Variants in ZFAND6 observed in about 807,000 individuals in gnomAD.
ZFAND6 encodes the protein zinc finger AN1-type containing 6, also known as AN1-type zinc finger protein 6.
ZFAND6 carries 12 observed loss-of-function variants against 24.5 expected under a neutral mutation model. That is an observed-to-expected ratio of 0.49 (90% CI 0.31 to 0.79). ZFAND6 has a LOEUF of 0.79. ZFAND6 is among the 30% of genes least tolerant of loss of function. ZFAND6 has a pLI of 0.04. For synonymous variants in ZFAND6, 92 were observed against 81.5 expected (o/e 1.13, Z -0.69); for missense variants, 207 against 245.9 (o/e 0.84, Z 1.06).
chr15:80,066,983 T>C (rs1487387547), intron 1 of ZFAND6, among the ~76,000 whole-genome samples: 1 of 152,022 alleles, frequency 6.6e-6, no homozygotes, highest in Non-Finnish European at 1.5e-5. Context: ...TTGTCCTGTG[T>C]AGAAAATTTG....
At chr15:80,060,907 G>C (rs987112922) in intron 1 of ZFAND6, among the ~76,000 whole-genome samples, 2 of 152,148 alleles carry the variant, frequency 1.3e-5, no homozygotes, top group African/African-American at 4.8e-5. Flanking sequence ...GCGACAGAGG[G>C]AGACTCCGTC....
intron 6 of ZFAND6, 81 bp from the exon 7 acceptor site, chr15:80,137,399 T>G: frequency 1.4e-6 from 2 of 1,455,244 alleles, no homozygotes; most frequent in South Asian, 2.8e-5. Flanking sequence ...CCTAAATATA[T>G]TGTGCTGTTC....
At chr15:80,111,423 G>A (rs1056650803) in intron 2 of ZFAND6, 1 of 433,836 alleles carries the variant, frequency 2.3e-6, no homozygotes, top group African/African-American at 2.0e-5. Flanking sequence ...CTTCCTTATT[G>A]ACAGGTTTCA....
chr15:80,080,753 C>T (rs2037615373), intron 1 of ZFAND6, among the ~76,000 whole-genome samples: 1 of 152,194 alleles, frequency 6.6e-6, no homozygotes, highest in South Asian at 2.1e-4. Context: ...GTGATCATGC[C>T]TCAGGAAGCT....
At chr15:80,095,959 C>A (rs750735986) in intron 1 of ZFAND6, among the ~76,000 whole-genome samples, 1 of 152,200 alleles carries the variant, frequency 6.6e-6, no homozygotes, top group Non-Finnish European at 1.5e-5. Flanking sequence ...GTATCCAAAT[C>A]TGGATACTAA....
chr15:80,093,147 A>C (rs1256228513), intron 1 of ZFAND6, among the ~76,000 whole-genome samples: 3 of 151,528 alleles, frequency 2.0e-5, no homozygotes, highest in Non-Finnish European at 2.9e-5. Flanking sequence ...GTGTGTTTTT[A>C]GTAGAGTCGG....
At chr15:80,135,214 C>T (rs2040803136) in intron 6 of ZFAND6, among the ~76,000 whole-genome samples, 1 of 152,044 alleles carries the variant, frequency 6.6e-6, no homozygotes, top group East Asian at 1.9e-4. Flanking sequence ...ATAACATTTC[C>T]TTTTCTCTAG....
chr15:80,131,326 A>G (rs1304064059), intron 6 of ZFAND6, 33 bp downstream of exon 6: 1 of 1,573,450 alleles, frequency 6.4e-7, no homozygotes, highest in East Asian at 2.2e-5. Flanking sequence ...TAAAATTAAA[A>G]TGATGTTTTA....
intron 1 of ZFAND6, among the ~76,000 whole-genome samples, chr15:80,086,519 C>A (rs1210627166): frequency 6.6e-6 from 1 of 152,188 alleles, no homozygotes; most frequent in East Asian, 1.9e-4. Flanking sequence ...TTTCCTACCA[C>A]CCATTATGGG....
chr15:80,103,938 T>A (rs2039171427), intron 2 of ZFAND6, among the ~76,000 whole-genome samples: 1 of 152,126 alleles, frequency 6.6e-6, no homozygotes, highest in African/African-American at 2.4e-5. Context: ...AGCCTCAATT[T>A]CCTAGGCTCA....
chr15:80,105,204 G>C (rs1382044338), intron 2 of ZFAND6, among the ~76,000 whole-genome samples: 1 of 152,166 alleles, frequency 6.6e-6, no homozygotes, highest in African/African-American at 2.4e-5. Flanking sequence ...GTAAATTTTT[G>C]TTGCCAGTTA....
At chr15:80,107,225 ATAGATT>A (rs2141967148) in intron 2 of ZFAND6, among the ~76,000 whole-genome samples, 1 of 152,274 alleles carries the variant, frequency 6.6e-6, no homozygotes, top group African/African-American at 2.4e-5. Context: ...CAAAAAAAAA[ATAGATT>A]TAGTAAAAAT....
chr15:80,077,344 C>G (rs951999468), intron 1 of ZFAND6, among the ~76,000 whole-genome samples: 1 of 152,292 alleles, frequency 6.6e-6, no homozygotes, highest in East Asian at 1.9e-4. Flanking sequence ...GACAACATTA[C>G]TTACAAATAA....
At chr15:80,132,231 AACTC>A (rs2040637079) in intron 6 of ZFAND6, among the ~76,000 whole-genome samples, 1 of 152,204 alleles carries the variant, frequency 6.6e-6, no homozygotes, top group Non-Finnish European at 1.5e-5. Context: ...AATTGGAAAA[AACTC>A]ACAGATGAAC....
At chr15:80,092,763 A>T (rs1360764451) in intron 1 of ZFAND6, among the ~76,000 whole-genome samples, 1 of 152,182 alleles carries the variant, frequency 6.6e-6, no homozygotes, top group African/African-American at 2.4e-5. Flanking sequence ...AAATTGTTTA[A>T]ATTTGAAGGC....
At chr15:80,111,506 A>T (rs2039608885) in intron 2 of ZFAND6, 1 of 455,912 alleles carries the variant, frequency 2.2e-6, no homozygotes, top group Non-Finnish European at 4.4e-6. Flanking sequence ...AGGAATGTCA[A>T]TCAGAAGTTT....
At chr15:80,112,020 G>A (rs1386861658) in intron 2 of ZFAND6, among the ~76,000 whole-genome samples, 2 of 152,192 alleles carry the variant, frequency 1.3e-5, no homozygotes, top group Non-Finnish European at 2.9e-5. Flanking sequence ...AGCACTTAGG[G>A]AGGCCGAGGG....
chr15:80,136,236 G>T (rs957122229), intron 6 of ZFAND6, among the ~76,000 whole-genome samples: 1 of 152,132 alleles, frequency 6.6e-6, no homozygotes, highest in Non-Finnish European at 1.5e-5. Flanking sequence ...GGAGGCCTAG[G>T]CAGGCAGATC....
chr15:80,111,518 C>G, intron 2 of ZFAND6: 1 of 455,950 alleles, frequency 2.2e-6, no homozygotes, highest in South Asian at 1.5e-5. Context: ...CAGAAGTTTT[C>G]TAGAATCTAT....
Sources: allele counts gnomAD v4.1 joint callset (sites outside exome capture counted in the v4.1 genomes callset), GRCh38; gene constraint gnomAD v4.1.1; transcripts MANE v1.5; gene names NCBI Gene and HGNC (gene_info 2026-07-23, HGNC 2026-07-21).